Variants in TTC17 observed in about 807,000 individuals in gnomAD.
TTC17 encodes the protein tetratricopeptide repeat domain 17.
TTC17 carries 58 observed loss-of-function variants against 143.8 expected under a neutral mutation model. That is an observed-to-expected ratio of 0.40 (90% CI 0.33 to 0.50). The LOEUF (loss-of-function observed/expected upper bound fraction) is 0.50, where lower values mean the gene tolerates loss of function less well. Ranked by LOEUF, TTC17 falls within the 20% of genes least tolerant of loss-of-function variation. The pLI is 0.49. For synonymous variants in TTC17, 501 were observed against 497.8 expected (o/e 1.01, Z -0.09); for missense variants, 1,273 against 1,392.5 (o/e 0.91, Z 1.37).
chr11:43,422,191 G>T (rs1946922524), intron 16 of TTC17, among the ~76,000 whole-genome samples: 1 of 152,186 alleles, frequency 6.6e-6, no homozygotes, highest in South Asian at 2.1e-4. Context: ...GAAAGAAAGA[G>T]AGGTCAAGGG....
At chr11:43,373,569 C>T (rs1419231855) in intron 1 of TTC17, among the ~76,000 whole-genome samples, 4 of 152,092 alleles carry the variant, frequency 2.6e-5, no homozygotes, top group East Asian at 3.9e-4. Context: ...ATGATCCACC[C>T]GCCTCAGCTT....
chr11:43,367,216 C>G lies in TTC17; in HGVS notation c.159+8103C>G, dbSNP rs1183248659. Among the ~76,000 whole-genome samples the G allele has an allele frequency of 2.6e-5, 4 of 152,126 alleles. No homozygotes were observed. The South Asian group carries it at 8.3e-4, about 31-fold the overall frequency. On this transcript the variant is annotated intron_variant, in intron 1 of 23. Coordinates refer to ENST00000039989, the MANE Select transcript of TTC17 (RefSeq NM_018259.6). ...GCATTATTGAATCAGCCCGTAGGCC[C>G]TCAGAAAAGGTGCACAGTAGATGAG...
intron 5 of TTC17, among the ~76,000 whole-genome samples, chr11:43,393,088 A>T (rs193009382): frequency 2.0e-4 from 30 of 152,286 alleles, no homozygotes; most frequent in Non-Finnish European, 2.5e-4. Context: ...CACCAAATGT[A>T]TGGAGTTTTT....
At chr11:43,466,591 A>G (rs923935648) in intron 21 of TTC17, 2 of 293,294 alleles carry the variant, frequency 6.8e-6, no homozygotes, top group Non-Finnish European at 1.4e-5. Context: ...TTCACACCCC[A>G]TAATGGCATT....
chr11:43,490,097 G>A (rs1455701788), intron 21 of TTC17, 142 bp from the exon 22 acceptor site: 25 of 1,123,060 alleles, frequency 2.2e-5, no homozygotes, highest in Non-Finnish European at 2.9e-5. Context: ...AAGGACAGGT[G>A]GAACAGAAAG....
intron 2 of TTC17, among the ~76,000 whole-genome samples, chr11:43,386,117 A>C (rs907143023): frequency 2.6e-5 from 4 of 151,974 alleles, no homozygotes; most frequent in Non-Finnish European, 4.4e-5. Flanking sequence ...CTTTTTATAA[A>C]TGATATTAGG....
chr11:43,439,202 C>T (rs1263295496), intron 16 of TTC17, among the ~76,000 whole-genome samples: 1 of 152,154 alleles, frequency 6.6e-6, no homozygotes, highest in Non-Finnish European at 1.5e-5. Context: ...TTTTCAAAAT[C>T]TTTTCAAGCC....
intron 18 of TTC17, chr11:43,446,371 A>G (rs758559357): frequency 1.5e-3 from 356 of 238,248 alleles, no homozygotes; most frequent in Non-Finnish European, 2.2e-3. Flanking sequence ...TTCCTGTTGT[A>G]TTGTAATGAT....
intron 21 of TTC17, among the ~76,000 whole-genome samples, chr11:43,453,767 A>C (rs1444279733): frequency 6.6e-6 from 1 of 152,202 alleles, no homozygotes; most frequent in South Asian, 2.1e-4. Flanking sequence ...ATGGGGTTAC[A>C]TCCTGATAAA....
intron 1 of TTC17, among the ~76,000 whole-genome samples, chr11:43,361,660 A>T (rs1325159373): frequency 2.0e-5 from 3 of 152,244 alleles, no homozygotes; most frequent in Non-Finnish European, 4.4e-5. Context: ...AAGTCAAGAA[A>T]TTATAAGTTG....
At chr11:43,381,468 C>T (rs946632222) in intron 2 of TTC17, among the ~76,000 whole-genome samples, 3 of 152,028 alleles carry the variant, frequency 2.0e-5, no homozygotes, top group African/African-American at 7.2e-5. Context: ...AGGAACAGAA[C>T]GAGGCTTACT....
In TTC17 at chr11:43,407,394, A is replaced by G. The variant is rs766735963; in HGVS notation, c.1881A>G (p.Leu627=). 10 of 1,613,866 alleles carry G rather than the reference A, an allele frequency of 6.2e-6. No individual in the cohort carries two copies. The highest frequency in any genetic ancestry group is 2.2e-5 in the South Asian group (2 of 91,078). Residue 627 remains leucine (L), a synonymous_variant, in exon 15 of 24, where the codon CTA becomes CTG. Transcript: ENST00000039989. ...PIWLILNEAG[L]YWRAVGNSTF... ...GGCTCATACTCAATGAAGCTGGACT[A>G]TACTGGAGAGCAGTAGGAAATAGCA...
intron 21 of TTC17, among the ~76,000 whole-genome samples, chr11:43,472,640 A>G (rs1003108857): frequency 6.6e-6 from 1 of 152,156 alleles, no homozygotes; most frequent in Non-Finnish European, 1.5e-5. Flanking sequence ...AAAAATATAA[A>G]TCATCTTACT....
chr11:43,376,179 A>G (rs775121452), intron 1 of TTC17, among the ~76,000 whole-genome samples: 7 of 152,178 alleles, frequency 4.6e-5, no homozygotes. Flanking sequence ...TACTTACATA[A>G]TGTATTCAAA....
chr11:43,378,927 A>G (rs1856860708), intron 1 of TTC17: 1 of 275,754 alleles, frequency 3.6e-6, no homozygotes, highest in African/African-American at 2.3e-5. Flanking sequence ...ATGAAACATC[A>G]TTTAAGGAAG....
intron 8 of TTC17, 77 bp downstream of exon 8, chr11:43,398,190 G>GT (rs1328067556): frequency 6.5e-7 from 1 of 1,529,260 alleles, no homozygotes; most frequent in Non-Finnish European, 8.8e-7. Context: ...GGATATCAGT[G>GT]TTAATTTGGT....
intron 1 of TTC17, among the ~76,000 whole-genome samples, chr11:43,363,463 C>G (rs1475359977): frequency 6.6e-6 from 1 of 152,212 alleles, no homozygotes; most frequent in Non-Finnish European, 1.5e-5. Flanking sequence ...CTTACTGAAT[C>G]AAGAAGTTGT....
chr11:43,369,307 A>G (rs1366920049), intron 1 of TTC17, among the ~76,000 whole-genome samples: 2 of 152,240 alleles, frequency 1.3e-5, no homozygotes, highest in Non-Finnish European at 2.9e-5. Flanking sequence ...GAATATTCTC[A>G]TAAAATTGAC....
intron 21 of TTC17, 100 bp from the exon 22 acceptor site, chr11:43,490,139 C>T (rs899110487): frequency 3.4e-6 from 5 of 1,476,428 alleles, no homozygotes; most frequent in South Asian, 1.4e-5. Context: ...TTAGTAAATA[C>T]TCAGTTGAAT....
Sources: gnomAD v4.1 joint callset for allele counts (sites outside exome capture counted in the v4.1 genomes callset) on GRCh38, gnomAD v4.1.1 for gene constraint, MANE v1.5 for transcripts, NCBI Gene and HGNC (gene_info 2026-07-23, HGNC 2026-07-21) for gene names.